Variants in OSBP2 observed in about 807,000 individuals in gnomAD.
OSBP2 encodes oxysterol binding protein 2, also known as oxysterol-binding protein 2.
Under a neutral mutation model 96.0 loss-of-function variants are expected in OSBP2, and 66 were observed. The observed-to-expected ratio is 0.69, with a 90% CI of 0.56 to 0.84. The LOEUF is 0.84. Ranked by LOEUF, OSBP2 falls within the 40% of genes least tolerant of loss-of-function variation. The pLI is 0.00. For synonymous variants in OSBP2, 525 were observed against 520.9 expected (o/e 1.01, Z -0.11); for missense variants, 1,038 against 1,222.7 (o/e 0.85, Z 2.25).
chr22:30,772,059 C>G (rs996068216), intron 2 of OSBP2, among the ~76,000 whole-genome samples: 2 of 152,216 alleles, frequency 1.3e-5, no homozygotes, highest in Non-Finnish European at 2.9e-5. Flanking sequence ...ATCAGACAGC[C>G]GCAAGCCAGA....
At chr22:30,727,418 A>G (rs1162549501) in intron 1 of OSBP2, among the ~76,000 whole-genome samples, 2 of 152,160 alleles carry the variant, frequency 1.3e-5, no homozygotes, top group African/African-American at 4.8e-5. Flanking sequence ...TTAAGCAGAA[A>G]AGCTCATATA....
chr22:30,829,200 G>A (rs1026669172), intron 2 of OSBP2, among the ~76,000 whole-genome samples: 12 of 152,208 alleles, frequency 7.9e-5, no homozygotes, highest in Admixed American at 3.3e-4. Context: ...TCACGGGTTG[G>A]CGTGCAGGGC....
chr22:30,816,682 C>A (rs2091087971), intron 2 of OSBP2, among the ~76,000 whole-genome samples: 1 of 152,146 alleles, frequency 6.6e-6, no homozygotes, highest in African/African-American at 2.4e-5. Context: ...TAGGCACCAC[C>A]CCTAGCTTTT....
At chr22:30,694,381 G>C, upstream of OSBP2, 1 of 1,503,144 alleles carries the variant, frequency 6.7e-7, no homozygotes, top group Non-Finnish European at 8.8e-7. Context: ...GTCGTCTTTA[G>C]CCTTTAGCGC....
intron 12 of OSBP2, chr22:30,902,156 AGG>A: frequency 2.3e-6 from 1 of 432,838 alleles, no homozygotes; most frequent in Non-Finnish European, 4.0e-6. Context: ...AAAAAAACAG[AGG>A]GTCCCACGGC....
At chr22:30,762,979 G>C (rs2090224751) in intron 2 of OSBP2, among the ~76,000 whole-genome samples, 1 of 152,164 alleles carries the variant, frequency 6.6e-6, no homozygotes, top group African/African-American at 2.4e-5. Context: ...AAGCAGAGAT[G>C]CTGGAGCCAG....
chr22:30,901,598 C>T (rs1419379083), intron 12 of OSBP2, among the ~76,000 whole-genome samples: 3 of 152,150 alleles, frequency 2.0e-5, no homozygotes, highest in Non-Finnish European at 2.9e-5. Flanking sequence ...GGCGTGGTGG[C>T]TCACGCCTGT....
At chr22:30,817,859 G>A (rs1380708011) in intron 2 of OSBP2, among the ~76,000 whole-genome samples, 1 of 152,094 alleles carries the variant, frequency 6.6e-6, no homozygotes, top group Admixed American at 6.5e-5. Flanking sequence ...AAAGCTCAGG[G>A]CACTCAGGAA....
intron 1 of OSBP2, among the ~76,000 whole-genome samples, chr22:30,701,429 C>T (rs1166540280): frequency 6.6e-6 from 1 of 150,604 alleles, no homozygotes; most frequent in Non-Finnish European, 1.5e-5. Flanking sequence ...CTGCAAGCTC[C>T]GCCTCCCAGG....
intron 2 of OSBP2, among the ~76,000 whole-genome samples, chr22:30,808,279 T>C (rs535230035): frequency 6.6e-6 from 1 of 152,190 alleles, no homozygotes; most frequent in African/African-American, 2.4e-5. Flanking sequence ...GGTGGGAGAA[T>C]TACTTGAGCC....
chr22:30,882,104 G>A (rs1269536188), intron 3 of OSBP2, among the ~76,000 whole-genome samples: 1 of 152,202 alleles, frequency 6.6e-6, no homozygotes, highest in Non-Finnish European at 1.5e-5. Context: ...GTCACTCACG[G>A]CCAGTGTATC....
rs750856579 is a variant in OSBP2 at position 30,893,864 on chromosome 22, G to A, written c.2238G>A (p.Leu746=). 3 of 1,583,382 alleles carry A rather than the reference G, an allele frequency of 1.9e-6. No individual in the cohort carries two copies. The South Asian group carries it at 3.4e-5, about 18-fold the overall frequency. Residue 746 remains leucine (L), a synonymous_variant, in exon 12 of 14, where the codon CTG becomes CTA. Transcript: ENST00000332585. Reference sequence around the variant, plus strand: ...GCCAGGGCAAGGCCCATTACGTGCTGTCCGGCTCGTGGGATGAACAAATGG... The same window carrying A: ...GCCAGGGCAAGGCCCATTACGTGCTATCCGGCTCGTGGGATGAACAAATGG... ...SDSQGKAHYV[L]SGSWDEQMEC... is the part of the protein sequence containing the mutation.
intron 12 of OSBP2, among the ~76,000 whole-genome samples, chr22:30,905,295 G>T (rs538266722): frequency 1.2e-3 from 175 of 151,532 alleles, no homozygotes; most frequent in Non-Finnish European, 1.9e-3. Flanking sequence ...GGGATTACAG[G>T]TGCCTGCCAC....
chr22:30,876,215 C>T (rs751028258), intron 3 of OSBP2, among the ~76,000 whole-genome samples: 6 of 152,242 alleles, frequency 3.9e-5, no homozygotes, highest in South Asian at 2.1e-4. Flanking sequence ...TGTCATCGTG[C>T]GCAGGTCTTT....
At chr22:30,818,640 C>A (rs9621105) in intron 2 of OSBP2, among the ~76,000 whole-genome samples, 2 of 152,160 alleles carry the variant, frequency 1.3e-5, no homozygotes, top group East Asian at 3.9e-4. Flanking sequence ...ACAACCACAT[C>A]AATATGAATA....
intron 2 of OSBP2, among the ~76,000 whole-genome samples, chr22:30,787,957 A>C (rs547971847): frequency 1.5e-4 from 23 of 152,286 alleles, no homozygotes; most frequent in African/African-American, 5.5e-4. Context: ...GACAGTGGGA[A>C]AGGACAGAAG....
intron 2 of OSBP2, among the ~76,000 whole-genome samples, chr22:30,777,262 G>C (rs780468508): frequency 6.6e-5 from 10 of 152,172 alleles, no homozygotes; most frequent in Non-Finnish European, 1.2e-4. Context: ...TCCCCACTCA[G>C]ATCTCATCTT....
At chr22:30,778,273 G>A (rs2090463104) in intron 2 of OSBP2, among the ~76,000 whole-genome samples, 1 of 147,344 alleles carries the variant, frequency 6.8e-6, no homozygotes, top group African/African-American at 2.5e-5. Flanking sequence ...CTGTTTCTTT[G>A]GGACCTGCTC....
chr22:30,755,868 C>T (rs944883890), intron 2 of OSBP2, among the ~76,000 whole-genome samples: 5 of 152,178 alleles, frequency 3.3e-5, no homozygotes, highest in African/African-American at 1.2e-4. Flanking sequence ...AGGATTGCAC[C>T]CCACCCGTCT....
Sources: gnomAD v4.1 joint callset for allele counts (sites outside exome capture counted in the v4.1 genomes callset) on GRCh38, gnomAD v4.1.1 for gene constraint, MANE v1.5 for transcripts, NCBI Gene and HGNC (gene_info 2026-07-23, HGNC 2026-07-21) for gene names.